The following CNNM2 variants were observed in gnomAD, a reference collection of about 807,000 sequenced individuals.
CNNM2 encodes the protein cyclin and CBS domain divalent metal cation transport mediator 2, also known as metal transporter CNNM2.
A neutral mutation model predicts 66.9 loss-of-function variants in CNNM2; 12 were observed. That is an observed-to-expected ratio of 0.18 (90% CI 0.11 to 0.29). CNNM2 has a LOEUF of 0.29. Among genes scored for constraint, CNNM2 ranks in the 10% least tolerant of loss-of-function variants. CNNM2 has a pLI of 1.00. For missense variants in CNNM2, 705 were observed against 1,167.7 expected, an observed-to-expected ratio of 0.60 and a Z score of 5.77; for synonymous variants, 557 against 501.8, an observed-to-expected ratio of 1.11 and a Z score of -1.47.
In CNNM2 at chr10:103,081,912, T is replaced by C. The variant is rs767883270; in HGVS notation, c.*4732T>C. 6.6e-6 allele frequency: 1 copy of C among 152,244 alleles called. No homozygotes were observed. The highest frequency in any genetic ancestry group is 1.5e-5 in the Non-Finnish European group (1 of 68,042). The allele number at this position is 152,244 out of a possible 1,614,324, so 9.4% of individuals were successfully genotyped here. ...ACCTTCTTTGCTTCTCACACCACTG[T>C]GGTTGGCTCAGCTCAAGTAAGCACG... On this transcript the variant is annotated 3_prime_UTR_variant, in exon 8 of 8. Coordinates refer to ENST00000369878, the MANE Select transcript of CNNM2 (RefSeq NM_017649.5).
rs1255907595 is a variant in CNNM2, at chr10:102,919,364, C to T, written c.884C>T (p.Thr295Met). Residue 295 changes from threonine to methionine, a missense_variant, in exon 1 of 8, where the codon ACG (threonine) becomes ATG (methionine). Physicochemically the swap from Thr to Met is moderately conservative, Grantham distance 81. This residue lies in a region of CNNM2 where 49 missense variants were observed against 183.7 expected (regional missense o/e 0.27). Transcript: ENST00000369878. ...MELRIVQNCGTEKEKNYAKRI... is the reference protein window; with the variant it reads ...MELRIVQNCGMEKEKNYAKRI... The stretch of plus-strand genomic sequence containing the variant: ...CTGCGCATCGTGCAGAACTGCGGCA[C>T]GGAGAAGGAGAAGAATTACGCCAAG... The T allele has an allele frequency of 6.2e-7, 1 of 1,612,874 alleles. No homozygotes were observed.
rs1243563833 is a variant in CNNM2, at chr10:103,079,695, T to C, written c.*2515T>C. 6.6e-6 allele frequency: 1 copy of C among 152,232 alleles called. No individual in the cohort carries two copies. The highest frequency in any genetic ancestry group is 2.4e-5 in the African/African-American group (1 of 41,458). 9.4% of individuals were successfully genotyped at this position (152,232 alleles called of 1,614,324 possible). On this transcript the variant is annotated 3_prime_UTR_variant, in exon 8 of 8. Transcript: ENST00000369878. ...GTGAGGCTCCCAAAGGATGAAATTT[T>C]AGCCGCCAAGTTCGTATTCATTTTC...
chr10:102,974,382 A>C (rs1389194847), intron 1 of CNNM2, among the ~76,000 whole-genome samples: 1 of 152,178 alleles, frequency 6.6e-6, no homozygotes, highest in Non-Finnish European at 1.5e-5. Context: ...TCCTATTTTG[A>C]CCATAAAGCT....
chr10:102,945,638 T>G (rs1846591440), intron 1 of CNNM2, among the ~76,000 whole-genome samples: 1 of 152,076 alleles, frequency 6.6e-6, no homozygotes, highest in Non-Finnish European at 1.5e-5. Flanking sequence ...GCTTCTGTGC[T>G]TCCCTTTGGC....
At chr10:102,999,076 CTT>C (rs141311858) in intron 1 of CNNM2, among the ~76,000 whole-genome samples, 1 of 138,928 alleles carries the variant, frequency 7.2e-6, no homozygotes. Flanking sequence ...TTTCTTTTTT[CTT>C]TTTTTTTTTT....
intron 2 of CNNM2, among the ~76,000 whole-genome samples, chr10:103,051,159 A>G (rs1181895416): frequency 6.6e-6 from 1 of 152,198 alleles, no homozygotes; most frequent in Non-Finnish European, 1.5e-5. Flanking sequence ...TGCTAGAAGG[A>G]AACATCCCAC....
chr10:102,918,441 C>A lies in CNNM2; in HGVS notation c.-40C>A. On this transcript the variant is annotated 5_prime_UTR_variant, in exon 1 of 8. Coordinates refer to ENST00000369878, the MANE Select transcript of CNNM2 (RefSeq NM_017649.5). The surrounding 1 kb of genome is among the most constrained non-coding windows in gnomAD (Gnocchi z 4.1). ...GGGCCGGTACCTGCGCTCGCGCCGC[C>A]GGGTTGAAAGGATGAAGCCGCAGCT... 1 of 1,582,956 alleles carries A rather than the reference C, an allele frequency of 6.3e-7. No homozygotes were observed. Among genetic ancestry groups the A allele is most frequent in the South Asian group, 1.1e-5 (1 of 87,402 alleles).
chr10:103,011,971 G>A (rs1041237553), intron 1 of CNNM2, among the ~76,000 whole-genome samples: 4 of 151,952 alleles, frequency 2.6e-5, no homozygotes, highest in Non-Finnish European at 4.4e-5. Flanking sequence ...GATTACAAGT[G>A]TGAGCCACCA....
At position 103,007,610 on chromosome 10, in the gene CNNM2, C is replaced by T. The variant is rs368935364; in HGVS notation, c.1622-42097C>T. Among the ~76,000 whole-genome samples, 27 of 152,144 alleles carry T rather than the reference C, an allele frequency of 1.8e-4. 1 individual carries two copies. Among genetic ancestry groups the T allele is most frequent in the Admixed American group, 1.4e-3 (21 of 15,266 alleles). The stretch of plus-strand genomic sequence containing the variant: ...GCGATATCTTCCCTACTTGCACATC[C>T]GTTTATAGGCTCTCTGCAAGAAGAA... On this transcript the variant is annotated intron_variant, in intron 1 of 7. Coordinates refer to ENST00000369878, the MANE Select transcript of CNNM2 (RefSeq NM_017649.5).
intron 1 of CNNM2, among the ~76,000 whole-genome samples, chr10:102,962,655 T>C (rs1363364445): frequency 6.6e-6 from 1 of 151,620 alleles, no homozygotes; most frequent in Non-Finnish European, 1.5e-5. Flanking sequence ...CAAAGCATAA[T>C]TAACAACTTG....
At chr10:103,021,380 G>C (rs910669839) in intron 1 of CNNM2, among the ~76,000 whole-genome samples, 1 of 152,094 alleles carries the variant, frequency 6.6e-6, no homozygotes, top group Admixed American at 6.5e-5. Flanking sequence ...CCCGTCGAAT[G>C]TGTGTGTGTG....
chr10:103,062,188 C>T (rs537353917), intron 4 of CNNM2, among the ~76,000 whole-genome samples: 3 of 152,264 alleles, frequency 2.0e-5, no homozygotes, highest in East Asian at 3.9e-4. Context: ...AGCATGTGCC[C>T]GGCCCATCCA....
At chr10:103,001,056 A>AG in intron 1 of CNNM2, among the ~76,000 whole-genome samples, 1 of 152,352 alleles carries the variant, frequency 6.6e-6, no homozygotes, top group South Asian at 2.1e-4. Context: ...CCTTGAAGAT[A>AG]GTATACTAAG....
intron 1 of CNNM2, among the ~76,000 whole-genome samples, chr10:103,024,634 A>G (rs2064663006): frequency 6.6e-6 from 1 of 151,984 alleles, no homozygotes; most frequent in African/African-American, 2.4e-5. Context: ...GCGTGCCACC[A>G]TGCCTGGCTA....
intron 1 of CNNM2, among the ~76,000 whole-genome samples, chr10:102,958,341 C>T (rs1394757593): frequency 6.6e-6 from 1 of 151,592 alleles, no homozygotes; most frequent in Non-Finnish European, 1.5e-5. Context: ...CAAATGAAGT[C>T]AAGTGAATAT....
chr10:102,962,201 C>T (rs1224395462), intron 1 of CNNM2, among the ~76,000 whole-genome samples: 1 of 152,094 alleles, frequency 6.6e-6, no homozygotes, highest in East Asian at 1.9e-4. Context: ...CATCAGGATA[C>T]ATAGCTAATG....
intron 1 of CNNM2, among the ~76,000 whole-genome samples, chr10:103,029,691 G>A (rs1416681069): frequency 4.0e-5 from 6 of 151,438 alleles, no homozygotes; most frequent in Non-Finnish European, 7.4e-5. Context: ...ATGAAACCCC[G>A]TCTCTACTAA....
Position 103,042,799 on chromosome 10 carries a change from T to G in CNNM2, c.1622-6908T>G, listed in dbSNP as rs548437947. Among the ~76,000 whole-genome samples the G allele has an allele frequency of 2.0e-5, 3 of 152,344 alleles. No homozygotes were observed. The South Asian group carries it at 6.2e-4, about 32-fold the overall frequency. On this transcript the variant is annotated intron_variant, in intron 1 of 7. Transcript: ENST00000369878. Reference sequence around the variant, plus strand: ...GTATTGACTTCCTTGACTGCCAATATGCAAATTGGCTTCCTCTGGAGATCT... The same window carrying G: ...GTATTGACTTCCTTGACTGCCAATAGGCAAATTGGCTTCCTCTGGAGATCT...
rs2065834279 is a variant in CNNM2, at chr10:103,087,291, C to G, written c.*10111C>G. 6.6e-6 allele frequency: 1 copy of G among 151,604 alleles called. No individual in the cohort carries two copies. 9.4% of individuals were successfully genotyped at this position (151,604 alleles called of 1,614,324 possible). A position where few individuals can be genotyped will look rare whatever the true frequency, so the allele number is the denominator to read the frequency against. ...GCCCTGCCTACCCATGGACCATTGACTTCCCAGCACACTCTTAAGAATAAT... is the reference window on the plus strand; with the variant it reads ...GCCCTGCCTACCCATGGACCATTGAGTTCCCAGCACACTCTTAAGAATAAT... On this transcript the variant is annotated 3_prime_UTR_variant, in exon 8 of 8. Coordinates refer to ENST00000369878, the MANE Select transcript of CNNM2 (RefSeq NM_017649.5).
Sources: allele counts gnomAD v4.1 joint callset (sites outside exome capture counted in the v4.1 genomes callset), GRCh38; gene constraint gnomAD v4.1.1; regional missense constraint gnomAD v4.1.1; non-coding constraint Gnocchi (gnomAD v3.1); transcripts MANE v1.5; gene names NCBI Gene and HGNC (gene_info 2026-07-23, HGNC 2026-07-21).